Variants in CEP135 observed in about 807,000 individuals in gnomAD.
CEP135 encodes the protein centrosomal protein of 135 kDa.
CEP135 carries 142 observed loss-of-function variants against 157.3 expected under a neutral mutation model. That is an observed-to-expected ratio of 0.90 (90% CI 0.79 to 1.04). The LOEUF is 1.04. Ranked by LOEUF, CEP135 falls within the 50% of genes least tolerant of loss-of-function variation. The probability of loss-of-function intolerance (pLI) is 0.00; values close to 1 mark genes in which losing one functional copy is unlikely to be tolerated. For synonymous variants in CEP135, 396 were observed against 439.8 expected (o/e 0.90, Z 1.25); for missense variants, 1,317 against 1,309.2 (o/e 1.01, Z -0.09).
chr4:56,023,625 CAT>C (rs951523739), intron 24 of CEP135, among the ~76,000 whole-genome samples: 3 of 143,808 alleles, frequency 2.1e-5, no homozygotes, highest in African/African-American at 2.5e-5. Flanking sequence ...ATTAATATAA[CAT>C]AGTAATATGT....
chr4:55,959,847 T>C, intron 6 of CEP135, 81 bp downstream of exon 6: 2 of 1,097,288 alleles, frequency 1.8e-6, no homozygotes, highest in South Asian at 2.7e-5. Context: ...ATATTTGAAA[T>C]TGCTGATACT....
In CEP135 at chr4:55,954,391, G is replaced by A. The variant is rs1458959867; in HGVS notation, c.472+8G>A. 6 of 1,580,280 alleles carry A rather than the reference G, an allele frequency of 3.8e-6. No homozygotes were observed. Among genetic ancestry groups the A allele is most frequent in the South Asian group, 2.4e-5 (2 of 84,790 alleles). ...CTGTAGTACAAACTCCAGGTAAATC[G>A]ATTCCTTCTCGAGACAAATTATACA... is the stretch of plus-strand genomic sequence containing the variant. On this transcript the variant is annotated splice_region_variant and intron_variant, in intron 4 of 25. Transcript: ENST00000257287.
In CEP135 at chr4:55,974,932, C is replaced by G. The variant is rs1729148921; in HGVS notation, c.1436C>G (p.Ala479Gly). 6.2e-7 allele frequency: 1 copy of G among 1,606,106 alleles called. No individual in the cohort carries two copies. The highest frequency in any genetic ancestry group is 1.3e-5 in the African/African-American group (1 of 74,740). The change falls in exon 11 of 26, where the codon GCA (alanine) becomes GGA (glycine). Residue 479 changes from alanine (A) to glycine (G), a missense_variant. By Grantham distance (60) the Ala-to-Gly change is moderately conservative (BLOSUM62 0). Transcript: ENST00000257287. ...QRRSCSTSYS[A>G]REKSSIFRTP... ...AGATCTTGCTCTACAAGTTATAGCGCACGTGAAAAAAGTTCAATATTTAGA... is the reference window on the plus strand; with the variant it reads ...AGATCTTGCTCTACAAGTTATAGCGGACGTGAAAAAAGTTCAATATTTAGA...
At position 55,985,344 on chromosome 4, in the gene CEP135, T is replaced by C. The variant is rs370195836; in HGVS notation, c.1843T>C (p.Cys615Arg). 5 of 1,587,088 alleles carry C rather than the reference T, an allele frequency of 3.2e-6. No individual in the cohort carries two copies. The African/African-American group carries it at 4.0e-5, about 13-fold the overall frequency. ...ELEKTIEHLT[C>R]VNHQLESEKY... ...AGAGAAAACTATTGAACATTTGACATGTGTTAATCATCAGGTAATGTATCA... is the reference window on the plus strand; with the variant it reads ...AGAGAAAACTATTGAACATTTGACACGTGTTAATCATCAGGTAATGTATCA... The change falls in exon 14 of 26, where the codon TGT becomes CGT. Residue 615 changes from cysteine to arginine, a missense_variant. Transcript: ENST00000257287.
In CEP135 at chr4:55,996,051, T is replaced by C. The variant is rs553317233; in HGVS notation, c.2010-3251T>C. 4.6e-5 allele frequency among the ~76,000 whole-genome samples: 7 copies of C among 152,358 alleles called. No homozygotes were observed. In the South Asian group the frequency reaches 1.2e-3, roughly 27 times the overall value. ...GTTGTTTTACTAGGATTTCTTTAGG[T>C]GTATTCAGAAAACCAAATGTAACTA... On this transcript the variant is annotated intron_variant, in intron 15 of 25. Transcript: ENST00000257287.
At chr4:55,977,245 G>A (rs1478628833) in intron 11 of CEP135, among the ~76,000 whole-genome samples, 1 of 152,194 alleles carries the variant, frequency 6.6e-6, no homozygotes, top group East Asian at 1.9e-4. Context: ...GTTAGGCACA[G>A]TGTTGGGATT....
chr4:55,979,197 A>G (rs934106516), intron 11 of CEP135, among the ~76,000 whole-genome samples: 2 of 152,202 alleles, frequency 1.3e-5, no homozygotes, highest in African/African-American at 4.8e-5. Flanking sequence ...TGCTTGTAAC[A>G]TTAAGATACC....
chr4:55,975,650 T>C (rs968587284), intron 11 of CEP135, among the ~76,000 whole-genome samples: 3 of 152,198 alleles, frequency 2.0e-5, no homozygotes, highest in Non-Finnish European at 4.4e-5. Context: ...TGAGTATCAT[T>C]TGAGTTCTTC....
chr4:56,011,583 A>C (rs1416308277), intron 20 of CEP135, 61 bp downstream of exon 20: 10 of 1,147,818 alleles, frequency 8.7e-6, no homozygotes, highest in Non-Finnish European at 1.3e-5. Flanking sequence ...TAACTTTTTC[A>C]TGTGCCTCTA....
chr4:56,011,355 T>A lies in CEP135; in HGVS notation c.2506-57T>A, dbSNP rs1460361241. The A allele has an allele frequency of 7.0e-6, 8 of 1,143,762 alleles. No homozygotes were observed. The East Asian group carries it at 9.9e-5, about 14-fold the overall frequency. 70.9% of individuals were successfully genotyped at this position (1,143,762 alleles called of 1,614,324 possible). A position where few individuals can be genotyped will look rare whatever the true frequency, so the allele number is the denominator to read the frequency against. On this transcript the variant is annotated intron_variant, in intron 19 of 25. Coordinates refer to ENST00000257287, the MANE Select transcript of CEP135 (RefSeq NM_025009.5). ...TCCAAAGGAATTATTTGAATATAAA[T>A]AAAATTTATTTGGTGTTGTGTTCAT...
chr4:56,011,558 G>A (rs1730583249), intron 20 of CEP135, 36 bp downstream of exon 20: 5 of 1,301,916 alleles, frequency 3.8e-6, no homozygotes, highest in African/African-American at 1.5e-5. Flanking sequence ...TTAAGACTGA[G>A]GTTTTTTTTT....
rs957242184 is a variant in CEP135 at position 55,960,163 on chromosome 4, G to A, written c.699+397G>A. 9.4e-5 allele frequency: 23 copies of A among 243,844 alleles called. No individual in the cohort carries two copies. In the East Asian group the frequency reaches 1.8e-3, roughly 19 times the overall value. 15.1% of individuals were successfully genotyped at this position (243,844 alleles called of 1,614,324 possible). A position where few individuals can be genotyped will look rare whatever the true frequency, so the allele number is the denominator to read the frequency against. On this transcript the variant is annotated intron_variant, in intron 6 of 25. Transcript: ENST00000257287. ...AATATAATTTTATAACCATATTACC[G>A]TTTTCATCTCAGGAGACATTTTATT...
chr4:56,014,227 C>T (rs1167965470), intron 21 of CEP135, among the ~76,000 whole-genome samples: 2 of 152,160 alleles, frequency 1.3e-5, no homozygotes, highest in South Asian at 2.1e-4. Flanking sequence ...ATTATAGCAC[C>T]AGAAAGTGGG....
intron 20 of CEP135, 70 bp from the exon 21 acceptor site, chr4:56,011,730 G>A: frequency 7.7e-7 from 1 of 1,291,752 alleles, no homozygotes; most frequent in Non-Finnish European, 1.1e-6. Context: ...ATGTGTATGT[G>A]TTTATGACAT....
At position 56,033,264 on chromosome 4, in the gene CEP135, C is replaced by T. The variant is rs938392594; in HGVS notation, c.*1916C>T. On this transcript the variant is annotated 3_prime_UTR_variant, in exon 26 of 26. Transcript: ENST00000257287. ...TTTGAAAAAATTTTATCTTAAAATA[C>T]TGAATGTTCTGACCTTTTATAGATG... The T allele has an allele frequency of 1.3e-5, 2 of 151,974 alleles. No individual in the cohort carries two copies. Among genetic ancestry groups the T allele is most frequent in the African/African-American group, 2.4e-5 (1 of 41,406 alleles). The allele number at this position is 151,974 out of a possible 1,614,324, so 9.4% of individuals were successfully genotyped here.
chr4:55,980,249 A>G lies in CEP135; in HGVS notation c.1580A>G (p.Lys527Arg). 1 of 1,562,872 alleles carries G rather than the reference A, an allele frequency of 6.4e-7. No individual in the cohort carries two copies. The highest frequency in any genetic ancestry group is 1.1e-5 in the South Asian group (1 of 89,346). Residue 527 changes from lysine to arginine, a missense_variant, in exon 12 of 26, where the codon AAA (lysine) becomes AGA (arginine). Physicochemically the swap from Lys to Arg is conservative, Grantham distance 26 (BLOSUM62 2). Coordinates refer to ENST00000257287, the MANE Select transcript of CEP135 (RefSeq NM_025009.5). ...ATGGAAGATATACAGTCCAATGTTAAATTATTGACAGCAGAAAGAGATAAA... is the reference window on the plus strand; with the variant it reads ...ATGGAAGATATACAGTCCAATGTTAGATTATTGACAGCAGAAAGAGATAAA... Reference protein sequence around the residue: ...KYMEDIQSNVKLLTAERDKLS... With the variant: ...KYMEDIQSNVRLLTAERDKLS...
At chr4:55,956,059 A>G (rs1728493553) in intron 4 of CEP135, among the ~76,000 whole-genome samples, 1 of 152,216 alleles carries the variant, frequency 6.6e-6, no homozygotes, top group Admixed American at 6.5e-5. Flanking sequence ...AGTTTCTGAA[A>G]GAAACTGAGG....
intron 24 of CEP135, among the ~76,000 whole-genome samples, chr4:56,024,156 C>T (rs1438860586): frequency 1.4e-5 from 2 of 144,968 alleles, no homozygotes; most frequent in African/African-American, 2.5e-5. Flanking sequence ...ATTAGTATAT[C>T]AGTATTACTA....
chr4:56,015,584 T>G (rs1009617704), intron 21 of CEP135, among the ~76,000 whole-genome samples: 3 of 152,246 alleles, frequency 2.0e-5, no homozygotes, highest in African/African-American at 7.2e-5. Flanking sequence ...ATCTAATGGA[T>G]TCAGCCTGCT....
Sources: allele counts gnomAD v4.1 joint callset (sites outside exome capture counted in the v4.1 genomes callset), GRCh38; gene constraint gnomAD v4.1.1; transcripts MANE v1.5; gene names NCBI Gene and HGNC (gene_info 2026-07-23, HGNC 2026-07-21).